Variants in VAV1 observed in about 807,000 individuals in gnomAD.
The protein encoded by VAV1 is proto-oncogene vav.
A neutral mutation model predicts 128.1 loss-of-function variants in VAV1; 33 were observed. That is an observed-to-expected ratio of 0.26 (90% CI 0.20 to 0.34). The LOEUF is 0.34. VAV1 is among the 10% of genes least tolerant of loss of function. The probability of loss-of-function intolerance (pLI) is 1.00; values close to 1 mark genes in which losing one functional copy is unlikely to be tolerated. For missense variants in VAV1, 715 were observed against 1,093.7 expected (o/e 0.65, Z 4.88); for synonymous variants, 394 against 409.8 (o/e 0.96, Z 0.47).
chr19:6,799,962 A>G (rs1457128972), intron 1 of VAV1, among the ~76,000 whole-genome samples: 1 of 151,778 alleles, frequency 6.6e-6, no homozygotes, highest in African/African-American at 2.4e-5. Flanking sequence ...AATGCCTGGT[A>G]ATGGAATATA....
At position 6,829,811 on chromosome 19, in the gene VAV1, C is replaced by T. The variant is rs1192858248; in HGVS notation, c.1291C>T (p.Leu431=). Residue 431 remains leucine, a synonymous_variant, in exon 14 of 27, where the codon CTA becomes TTA. Coordinates refer to ENST00000602142, the MANE Select transcript of VAV1 (RefSeq NM_005428.4). The part of the protein sequence containing the change: ...DRYAFLLDKA[L]LICKRRGDSY... Reference sequence around the variant, plus strand: ...GTATGCCTTCCTGCTCGACAAAGCTCTACTCATCTGTAAGCGCAGGGGAGA... The same window carrying T: ...GTATGCCTTCCTGCTCGACAAAGCTTTACTCATCTGTAAGCGCAGGGGAGA... 2 of 1,614,168 alleles carry T rather than the reference C, an allele frequency of 1.2e-6. No homozygotes were observed.
chr19:6,850,708 CAGA>C lies in VAV1; in HGVS notation c.2171_2173del (p.Glu724del), dbSNP rs777231436. 36 of 1,613,920 alleles carry C rather than the reference CAGA, an allele frequency of 2.2e-5. No homozygotes were observed. Among genetic ancestry groups the C allele is most frequent in the Admixed American group, 5.0e-5 (3 of 59,978 alleles). ...GTCAAGCACATTAAAATCATGACAG[CAGA>C]AGGACTGTACCGGATCACAGAGAAA... On this transcript the variant is annotated inframe_deletion, in exon 24 of 27. Transcript: ENST00000602142.
At chr19:6,811,889 G>C (rs766949914) in intron 1 of VAV1, among the ~76,000 whole-genome samples, 1 of 152,156 alleles carries the variant, frequency 6.6e-6, no homozygotes, top group Non-Finnish European at 1.5e-5. Flanking sequence ...TTCCAGGTCG[G>C]GGGGCTTTTC....
In VAV1 at chr19:6,773,797, G is replaced by A. The variant is rs533689024; in HGVS notation, c.204+786G>A. ...CCTATTTGAATGTGGTTGGGTGGGC[G>A]TGTGATGTGGCTGCATTATGTTGCT... On this transcript the variant is annotated intron_variant, in intron 1 of 26. Coordinates refer to ENST00000602142, the MANE Select transcript of VAV1 (RefSeq NM_005428.4). Among the ~76,000 whole-genome samples the A allele has an allele frequency of 2.8e-4, 43 of 152,272 alleles. 1 individual carries two copies. The South Asian group carries it at 6.2e-3, about 22-fold the overall frequency.
chr19:6,799,680 A>G (rs1971220017), intron 1 of VAV1, among the ~76,000 whole-genome samples: 1 of 151,802 alleles, frequency 6.6e-6, no homozygotes, highest in African/African-American at 2.4e-5. Context: ...ACTTTTGGCT[A>G]TCATGAATCA....
At position 6,832,174 on chromosome 19, in the gene VAV1, G is replaced by A. The variant is rs1417907708; in HGVS notation, c.1482G>A (p.Lys494=). Residue 494 remains lysine (K), a synonymous_variant, in exon 15 of 27, where the codon AAG becomes AAA. Transcript: ENST00000602142. ...LFFKTRELKK[K]WMEQFEMAIS... The stretch of plus-strand genomic sequence containing the variant: ...TCAAGACAAGAGAATTGAAGAAGAA[G>A]TGGATGGAGCAGTTTGAGATGGCCA... 10 of 1,614,156 alleles carry A rather than the reference G, an allele frequency of 6.2e-6. No individual in the cohort carries two copies. The highest frequency in any genetic ancestry group is 1.7e-5 in the Admixed American group (1 of 60,012).
At chr19:6,810,520 A>G (rs1006586684) in intron 1 of VAV1, among the ~76,000 whole-genome samples, 5 of 151,752 alleles carry the variant, frequency 3.3e-5, no homozygotes, top group African/African-American at 1.2e-4. Context: ...CCTGGCCTAC[A>G]TGGTGAAACC....
At chr19:6,834,020 G>T (rs1046208223) in intron 19 of VAV1, 67 bp downstream of exon 19, 2 of 1,606,170 alleles carry the variant, frequency 1.2e-6, no homozygotes, top group Admixed American at 1.7e-5. Context: ...TTGACCCAGG[G>T]ACAGATCTCC....
intron 13 of VAV1, 75 bp from the exon 14 acceptor site, chr19:6,829,711 G>T (rs1294337899): frequency 3.8e-6 from 6 of 1,590,192 alleles, no homozygotes; most frequent in Non-Finnish European, 5.2e-6. Flanking sequence ...GGACCAGGAT[G>T]TGGAGGAACT....
At position 6,848,262 on chromosome 19, in the gene VAV1, CCTT is replaced by C. The variant is rs2144823417; in HGVS notation, c.2129+152_2129+154del. Reference sequence around the variant, plus strand: ...CCTGCTGGTTCCCACGTGCCTTTCACCTTCTTTATTTCTTTTAATTGACGACCA... The same window carrying C: ...CCTGCTGGTTCCCACGTGCCTTTCACCTTTATTTCTTTTAATTGACGACCA... On this transcript the variant is annotated intron_variant, in intron 23 of 26. Transcript: ENST00000602142. 5.4e-6 allele frequency: 3 copies of C among 558,444 alleles called. No homozygotes were observed. In the South Asian group the frequency reaches 1.3e-4, roughly 23 times the overall value. The allele number at this position is 558,444 out of a possible 1,614,324, so 34.6% of individuals were successfully genotyped here. A position where few individuals can be genotyped will look rare whatever the true frequency, so the allele number is the denominator to read the frequency against.
rs1482184217 is a variant in VAV1, at chr19:6,777,156, C to T, written c.204+4145C>T. Among the ~76,000 whole-genome samples, 1 of 151,856 alleles carries T rather than the reference C, an allele frequency of 6.6e-6. No homozygotes were observed. The highest frequency in any genetic ancestry group is 1.9e-4 in the East Asian group (1 of 5,188). On this transcript the variant is annotated intron_variant, in intron 1 of 26. Coordinates refer to ENST00000602142, the MANE Select transcript of VAV1 (RefSeq NM_005428.4). The surrounding 1 kb of genome is among the most constrained non-coding windows in gnomAD (Gnocchi z 4.4). Reference sequence around the variant, plus strand: ...TCCACCCATCCCATCCATCCATCCACTCATCCACCCGTCTACTCATCTATC... The same window carrying T: ...TCCACCCATCCCATCCATCCATCCATTCATCCACCCGTCTACTCATCTATC...
At chr19:6,834,697 A>C (rs1972175911) in intron 19 of VAV1, among the ~76,000 whole-genome samples, 1 of 146,674 alleles carries the variant, frequency 6.8e-6, no homozygotes, top group Non-Finnish European at 1.5e-5. Flanking sequence ...AAAATATATT[A>C]TATGTATATA....
Position 6,826,117 on chromosome 19 carries a change from C to G in VAV1, c.828-495C>G, listed in dbSNP as rs1257023387. ...CTTTGGGAGGCCGAGGAGGGCAGAT[C>G]ACTTGAGGTCAGGAGTTCGAGACCA... On this transcript the variant is annotated intron_variant, in intron 8 of 26. Transcript: ENST00000602142. This position sits in a 1 kb window ranked among gnomAD's most constrained non-coding sequence, Gnocchi z 4.1. Among the ~76,000 whole-genome samples the G allele has an allele frequency of 6.6e-6, 1 of 152,118 alleles. No individual in the cohort carries two copies. The highest frequency in any genetic ancestry group is 2.4e-5 in the African/African-American group (1 of 41,418).
intron 1 of VAV1, chr19:6,784,051 C>T (rs1016034255): frequency 7.5e-6 from 3 of 400,142 alleles, no homozygotes; most frequent in African/African-American, 4.1e-5. Flanking sequence ...GCTAGGAATT[C>T]GAGACCAGCC....
intron 1 of VAV1, among the ~76,000 whole-genome samples, chr19:6,780,157 T>TAAA (rs1401778460): frequency 7.6e-6 from 1 of 132,314 alleles, no homozygotes; most frequent in Non-Finnish European, 1.6e-5. Context: ...ATAATAATAA[T>TAAA]AACCTCATCC....
At chr19:6,847,871 G>A (rs898224685) in intron 22 of VAV1, 127 bp from the exon 23 acceptor site, 12 of 833,700 alleles carry the variant, frequency 1.4e-5, no homozygotes, top group Non-Finnish European at 1.4e-5. Context: ...CTGAAGGGCT[G>A]TTAGAGCCAG....
chr19:6,810,288 C>T (rs935598429), intron 1 of VAV1, among the ~76,000 whole-genome samples: 1 of 152,098 alleles, frequency 6.6e-6, no homozygotes, highest in African/African-American at 2.4e-5. Flanking sequence ...GCAGATTGCA[C>T]TACTGCACTT....
At chr19:6,814,721 T>TTTCCTTCTTTCTTTCTTTCC (rs1971605594) in intron 1 of VAV1, among the ~76,000 whole-genome samples, 1 of 141,976 alleles carries the variant, frequency 7.0e-6, no homozygotes, top group African/African-American at 2.9e-5. Flanking sequence ...TCTTTCTTTC[T>TTTCCTTCTTTCTTTCTTTCC]TTCTTTCTTT....
chr19:6,826,867 A>C lies in VAV1; in HGVS notation c.927+156A>C, dbSNP rs1337966302. ...GGAGGGAGGTACTAGCCAGCCAAGC[A>C]GAGGAAATGGAGAAGAACAGAAATG... On this transcript the variant is annotated intron_variant, in intron 9 of 26. Transcript: ENST00000602142. This position sits in a 1 kb window ranked among gnomAD's most constrained non-coding sequence, Gnocchi z 4.1. 2 of 650,552 alleles carry C rather than the reference A, an allele frequency of 3.1e-6. No homozygotes were observed. The highest frequency in any genetic ancestry group is 3.6e-5 in the African/African-American group (2 of 55,068). The allele number at this position is 650,552 out of a possible 1,614,324, so 40.3% of individuals were successfully genotyped here.
Sources: gnomAD v4.1 joint callset for allele counts (sites outside exome capture counted in the v4.1 genomes callset) on GRCh38, gnomAD v4.1.1 for gene constraint, Gnocchi (gnomAD v3.1) non-coding constraint, MANE v1.5 for transcripts, NCBI Gene and HGNC (gene_info 2026-07-23, HGNC 2026-07-21) for gene names.